BAG3: variants seen among roughly 807,000 people sequenced by gnomAD.
BAG3 encodes BAG family molecular chaperone regulator 3.
In BAG3, 14 loss-of-function variants were observed where a neutral mutation model predicts 40.5. That is an observed-to-expected ratio of 0.35 (90% CI 0.23 to 0.54). The LOEUF (loss-of-function observed/expected upper bound fraction) is 0.54, where lower values mean the gene tolerates loss of function less well. Ranked by LOEUF, BAG3 falls within the 20% of genes least tolerant of loss-of-function variation. The pLI is 0.91. For synonymous variants in BAG3, 302 were observed against 307.8 expected (o/e 0.98, Z 0.20); for missense variants, 788 against 758.6 (o/e 1.04, Z -0.46).
intron 1 of BAG3, among the ~76,000 whole-genome samples, chr10:119,659,932 C>T (rs1846969769): frequency 6.6e-6 from 1 of 151,526 alleles, no homozygotes; most frequent in Non-Finnish European, 1.5e-5. Flanking sequence ...TTTTTTTTCC[C>T]CTGAAGAAGA....
In BAG3 at chr10:119,651,600, G is replaced by A. The variant is rs949153385; in HGVS notation, c.-76G>A. On this transcript the variant is annotated 5_prime_UTR_variant, in exon 1 of 4. Transcript: ENST00000369085. ...TCGGCGGCGGAGAGGGGCCCACGGC[G>A]GCGGCCCGGCCAGAGACTCGGCGCC... 3.8e-6 allele frequency: 5 copies of A among 1,325,918 alleles called. No homozygotes were observed. The highest frequency in any genetic ancestry group is 9.7e-7 in the Non-Finnish European group (1 of 1,029,056). 82.1% of individuals were successfully genotyped at this position (1,325,918 alleles called of 1,614,324 possible).
At position 119,665,144 on chromosome 10, in the gene BAG3, A is replaced by ATTT. The variant is rs1161102936; in HGVS notation, c.181-4698_181-4696dup. 2.2e-3 allele frequency among the ~76,000 whole-genome samples: 193 copies of ATTT among 88,782 alleles called. 4 individuals are homozygous for ATTT. Among genetic ancestry groups the ATTT allele is most frequent in the African/African-American group, 8.1e-3 (181 of 22,354 alleles). The allele number at this position is 88,782 out of a possible 152,430, so 58.2% of individuals were successfully genotyped here. On this transcript the variant is annotated intron_variant, in intron 1 of 3. Coordinates refer to ENST00000369085, the MANE Select transcript of BAG3 (RefSeq NM_004281.4). ...TGTGTGTGTATATATATATATATAT[A>ATTT]TTTTTTTTTTTAGTTGGAGTCTTGC...
At chr10:119,663,872 A>C (rs1303849290) in intron 1 of BAG3, among the ~76,000 whole-genome samples, 1 of 152,160 alleles carries the variant, frequency 6.6e-6, no homozygotes, top group East Asian at 1.9e-4. Context: ...CTACGGAATC[A>C]GACCTACTTG....
chr10:119,668,917 G>A (rs1042510776), intron 1 of BAG3, among the ~76,000 whole-genome samples: 4 of 152,218 alleles, frequency 2.6e-5, no homozygotes, highest in South Asian at 2.1e-4. Context: ...CAACACGGGC[G>A]ATTGGGAATT....
At chr10:119,660,153 A>C (rs910423976) in intron 1 of BAG3, among the ~76,000 whole-genome samples, 3 of 152,174 alleles carry the variant, frequency 2.0e-5, no homozygotes, top group Non-Finnish European at 4.4e-5. Flanking sequence ...TGCCCTGGTG[A>C]GGGGCCATCG....
In BAG3 at chr10:119,676,804, C is replaced by T. The variant is rs751558069; in HGVS notation, c.1250C>T (p.Pro417Leu). ...AAACCAGGAGAAGCCGAGGCTCCCC[C>T]AAAACATCCAGGAGTGCTGAAAGTG... ...PPKPGEAEAP[P>L]KHPGVLKVEA... The change falls in exon 4 of 4, where the codon CCA becomes CTA. Residue 417 changes from proline to leucine, a missense_variant. Physicochemically the swap from Pro to Leu is moderately conservative, Grantham distance 98. Transcript: ENST00000369085. The T allele has an allele frequency of 6.2e-7, 1 of 1,614,174 alleles. No homozygotes were observed.
chr10:119,669,122 C>T (rs528008475), intron 1 of BAG3, among the ~76,000 whole-genome samples: 1 of 152,282 alleles, frequency 6.6e-6, no homozygotes, highest in African/African-American at 2.4e-5. Context: ...TTAGCAGTGT[C>T]TTTTGCTAAA....
In BAG3 at chr10:119,672,627, C is replaced by T. The variant is rs144585878; in HGVS notation, c.880C>T (p.Arg294Cys). The T allele has an allele frequency of 6.8e-6, 11 of 1,613,836 alleles. No homozygotes were observed. The highest frequency in any genetic ancestry group is 3.3e-5 in the South Asian group (3 of 91,090). The change falls in exon 3 of 4, where the codon CGT becomes TGT. Residue 294 changes from arginine (R) to cysteine (C), a missense_variant. Physicochemically the swap from Arg to Cys is radical, Grantham distance 180. Coordinates refer to ENST00000369085, the MANE Select transcript of BAG3 (RefSeq NM_004281.4). The surrounding 1 kb of genome is among the most constrained non-coding windows in gnomAD (Gnocchi z 4.8). ...STPLHSPSPI[R>C]VHTVVDRPQQ... is the part of the protein sequence containing the mutation. ...GCCACTCCACTCCCCCTCGCCCATC[C>T]GTGTGCACACCGTGGTCGACAGGCC...
intron 1 of BAG3, among the ~76,000 whole-genome samples, chr10:119,669,075 TAGTG>T (rs1449332628): frequency 6.6e-6 from 1 of 152,150 alleles, no homozygotes; most frequent in Non-Finnish European, 1.5e-5. Context: ...GCTGATCAGA[TAGTG>T]AGGCTGGGGA....
At chr10:119,666,082 C>T (rs114314954) in intron 1 of BAG3, among the ~76,000 whole-genome samples, 1 of 152,334 alleles carries the variant, frequency 6.6e-6, no homozygotes, top group African/African-American at 2.4e-5. Context: ...ACATGCCTCT[C>T]ATTTTTCTGG....
chr10:119,660,270 A>G (rs1298731765), intron 1 of BAG3, among the ~76,000 whole-genome samples: 1 of 152,138 alleles, frequency 6.6e-6, no homozygotes, highest in Non-Finnish European at 1.5e-5. Flanking sequence ...GTGTCAAGGA[A>G]CCACAGTCAG....
Position 119,672,633 on chromosome 10 carries a change from C to T in BAG3, c.886C>T (p.His296Tyr), listed in dbSNP as rs1268848002. Residue 296 changes from histidine to tyrosine, a missense_variant, in exon 3 of 4, where the codon CAC (histidine) becomes TAC (tyrosine). Transcript: ENST00000369085. The surrounding 1 kb of genome is among the most constrained non-coding windows in gnomAD (Gnocchi z 4.8). ...PLHSPSPIRV[H>Y]TVVDRPQQPM... ...CCACTCCCCCTCGCCCATCCGTGTG[C>T]ACACCGTGGTCGACAGGCCTCAGGT... is the stretch of plus-strand genomic sequence containing the variant. The T allele has an allele frequency of 2.5e-6, 4 of 1,613,924 alleles. No individual in the cohort carries two copies. The highest frequency in any genetic ancestry group is 3.4e-6 in the Non-Finnish European group (4 of 1,180,030).
At chr10:119,663,267 C>G (rs1350100917) in intron 1 of BAG3, among the ~76,000 whole-genome samples, 2 of 151,848 alleles carry the variant, frequency 1.3e-5, no homozygotes, top group Non-Finnish European at 2.9e-5. Context: ...GGGTTAGAGG[C>G]TTCCTTCTCT....
chr10:119,653,671 G>C (rs1589620884), intron 1 of BAG3, among the ~76,000 whole-genome samples: 2 of 152,122 alleles, frequency 1.3e-5, no homozygotes, highest in African/African-American at 4.8e-5. Context: ...AAAATTTCAC[G>C]GTCAAAATTT....
At chr10:119,675,784 T>TCCTTCCCTCCCCCTCCCTTCCCCCTTC (rs1564775870) in intron 3 of BAG3, among the ~76,000 whole-genome samples, 2 of 12,092 alleles carry the variant, frequency 1.7e-4, no homozygotes, top group South Asian at 9.3e-3. Flanking sequence ...TCCCTCCCCC[T>TCCTTCCCTCCCCCTCCCTTCCCCCTTC]CCCTTCCCCC....
At chr10:119,657,489 G>C (rs1480051931) in intron 1 of BAG3, 2 of 469,786 alleles carry the variant, frequency 4.3e-6, no homozygotes, top group East Asian at 1.4e-4. Context: ...GATGGAACGA[G>C]TGACTGTGGA....
chr10:119,671,789 T>TTTTGC (rs1847154031), intron 2 of BAG3, among the ~76,000 whole-genome samples: 1 of 152,044 alleles, frequency 6.6e-6, no homozygotes, highest in Non-Finnish European at 1.5e-5. Context: ...TTTTGTTTTG[T>TTTTGC]TTTGTTTTGC....
At chr10:119,657,154 G>A (rs1241359548) in intron 1 of BAG3, among the ~76,000 whole-genome samples, 3 of 152,088 alleles carry the variant, frequency 2.0e-5, no homozygotes, top group Non-Finnish European at 4.4e-5. Context: ...TTTAGGAGAT[G>A]GGCCCGACTC....
At chr10:119,664,930 GT>G (rs1283437888) in intron 1 of BAG3, among the ~76,000 whole-genome samples, 1 of 151,748 alleles carries the variant, frequency 6.6e-6, no homozygotes, top group Admixed American at 6.6e-5. Flanking sequence ...GTGTGTGAGA[GT>G]TTTTTTGGCA....
Sources: gnomAD v4.1 joint callset for allele counts (sites outside exome capture counted in the v4.1 genomes callset) on GRCh38, gnomAD v4.1.1 for gene constraint, Gnocchi (gnomAD v3.1) non-coding constraint, MANE v1.5 for transcripts, NCBI Gene and HGNC (gene_info 2026-07-23, HGNC 2026-07-21) for gene names.